CACTIN: variants seen among roughly 807,000 people sequenced by gnomAD.
The protein encoded by CACTIN is splicing factor Cactin.
CACTIN carries 20 observed loss-of-function variants against 84.9 expected under a neutral mutation model. The observed-to-expected ratio is 0.24, with a 90% CI of 0.17 to 0.34. CACTIN has a LOEUF of 0.34. CACTIN is among the 10% of genes least tolerant of loss of function. CACTIN has a pLI of 1.00. For missense variants in CACTIN, 897 were observed against 1,117.2 expected (o/e 0.80, Z 2.81); for synonymous variants, 549 against 467.9 (o/e 1.17, Z -2.24).
At chr19:3,618,810 G>A (rs2033160974) in intron 6 of CACTIN, 65 bp downstream of exon 6, 6 of 1,296,834 alleles carry the variant, frequency 4.6e-6, no homozygotes, top group South Asian at 1.3e-5. Context: ...GCAAGTCTGA[G>A]GCTTCTGGGT....
chr19:3,617,740 T>C (rs1017835635), intron 6 of CACTIN, among the ~76,000 whole-genome samples: 16 of 152,142 alleles, frequency 1.1e-4, no homozygotes, highest in African/African-American at 3.6e-4. Context: ...CCAGAAGTCT[T>C]TGCCCAGCCC....
chr19:3,618,843 C>T (rs772582348), intron 6 of CACTIN, 32 bp downstream of exon 6: 1 of 1,495,584 alleles, frequency 6.7e-7, no homozygotes, highest in South Asian at 1.2e-5. Context: ...CCCCGCAGCT[C>T]CCCTGGAGCC....
intron 1 of CACTIN, among the ~76,000 whole-genome samples, chr19:3,626,058 C>T (rs761361668): frequency 7.9e-5 from 12 of 152,150 alleles, no homozygotes; most frequent in African/African-American, 2.9e-4. Context: ...TTCCAGAATC[C>T]CTCTGAAATC....
chr19:3,618,191 G>GGGGC (rs2033147319), intron 6 of CACTIN, among the ~76,000 whole-genome samples: 2 of 102,664 alleles, frequency 1.9e-5, no homozygotes, highest in African/African-American at 3.7e-5. Context: ...GGGGGGGGGG[G>GGGGC]TCTCATCTAG....
At position 3,623,838 on chromosome 19, in the gene CACTIN, C is replaced by T; in HGVS notation, c.492G>A (p.Glu164=). 1.2e-6 allele frequency: 2 copies of T among 1,612,322 alleles called. No individual in the cohort carries two copies. The highest frequency in any genetic ancestry group is 1.7e-6 in the Non-Finnish European group (2 of 1,179,888). The change falls in exon 2 of 10, where the codon GAG becomes GAA. Residue 164 remains glutamate, a synonymous_variant. Coordinates refer to ENST00000429344, the MANE Select transcript of CACTIN (RefSeq NM_001080543.2). ...TGGCCAGCCGCCGTGCGCGCTTCTCCTCGGGCGTCTCGAAGGCCTTCATCA... is the reference window on the plus strand; with the variant it reads ...TGGCCAGCCGCCGTGCGCGCTTCTCTTCGGGCGTCTCGAAGGCCTTCATCA... ...EELMKAFETP[E]EKRARRLAKK...
intron 1 of CACTIN, among the ~76,000 whole-genome samples, chr19:3,625,876 G>T (rs938755878): frequency 5.3e-5 from 8 of 152,194 alleles, no homozygotes; most frequent in African/African-American, 1.4e-4. Context: ...TGGTTTCTCT[G>T]TACTGGAGCC....
Position 3,612,335 on chromosome 19 carries a change from C to T in CACTIN, c.1865G>A (p.Ser622Asn). The change falls in exon 10 of 10, where the codon AGC (serine) becomes AAC (asparagine). Residue 622 changes from serine (S) to asparagine (N), a missense_variant. By Grantham distance (46) the Ser-to-Asn change is conservative. Around this residue, in one of 8 missense-constraint regions of CACTIN, gnomAD observed 243 missense variants for 239.9 expected, o/e 1.01. Transcript: ENST00000429344. Reference protein sequence around the residue: ...EGMGQDEAQFSVEMPLTGKAY... With the variant: ...EGMGQDEAQFNVEMPLTGKAY... ...CTTGCCGGTGAGTGGCATCTCCACG[C>T]TGAACTGCGCCTCGTCCTGGCCCAT... The T allele has an allele frequency of 6.2e-7, 1 of 1,612,078 alleles. No homozygotes were observed. The highest frequency in any genetic ancestry group is 8.5e-7 in the Non-Finnish European group (1 of 1,179,848).
At chr19:3,617,619 C>T (rs540198701) in intron 6 of CACTIN, among the ~76,000 whole-genome samples, 25 of 151,616 alleles carry the variant, frequency 1.6e-4, no homozygotes, top group Non-Finnish European at 3.4e-4. Flanking sequence ...CTGGAAACGC[C>T]TCCCAGTCTT....
rs763298025 is a variant in CACTIN, at chr19:3,624,116, G to A, written c.214C>T (p.Arg72Trp). 48 of 1,586,158 alleles carry A rather than the reference G, an allele frequency of 3.0e-5. No individual in the cohort carries two copies. In the African/African-American group the frequency reaches 3.2e-4, roughly 11 times the overall value. Reference protein sequence around the residue: ...ERWQRSGMRSRSPPRPKWHSR... With the variant: ...ERWQRSGMRSWSPPRPKWHSR... ...TGCCACTTGGGCCGCGGGGGGCTCC[G>A]GCTTCGCATCCCTGAGCGCTGCCAC... Residue 72 changes from arginine to tryptophan, a missense_variant, in exon 2 of 10, where the codon CGG (arginine) becomes TGG (tryptophan). Arg to Trp is a moderately radical substitution (Grantham distance 101). Transcript: ENST00000429344.
rs2033173661 is a variant in CACTIN at position 3,619,324 on chromosome 19, C to T, written c.885-82G>A. 6 of 1,498,286 alleles carry T rather than the reference C, an allele frequency of 4.0e-6. No individual in the cohort carries two copies. The South Asian group carries it at 5.2e-5, about 13-fold the overall frequency. The allele number at this position is 1,498,286 out of a possible 1,614,324, so 92.8% of individuals were successfully genotyped here. A position where few individuals can be genotyped will look rare whatever the true frequency, so the allele number is the denominator to read the frequency against. ...GACCCTGCCCTTGGGGTGACCACAC[C>T]AGTGGGAGCCGAGGAGGGGCCTGAC... On this transcript the variant is annotated intron_variant, in intron 4 of 9. Transcript: ENST00000429344.
At chr19:3,625,530 G>T (rs56861417) in intron 1 of CACTIN, among the ~76,000 whole-genome samples, 14,342 of 152,172 alleles carry the variant, frequency 0.094, 1,135 homozygotes, top group East Asian at 0.22. Context: ...AGGAGTTCAA[G>T]ACCTGCCTGG....
intron 1 of CACTIN, 37 bp downstream of exon 1, chr19:3,626,559 A>T: frequency 7.3e-7 from 1 of 1,369,530 alleles, no homozygotes; most frequent in Non-Finnish European, 9.4e-7. Flanking sequence ...CTGAGGTAGG[A>T]GCCGGATCCC....
intron 6 of CACTIN, 166 bp from the exon 7 acceptor site, chr19:3,614,755 C>T (rs2033067698): frequency 9.4e-6 from 6 of 637,898 alleles, no homozygotes; most frequent in Non-Finnish European, 1.4e-5. Context: ...TGTCCCCACC[C>T]TGGCCACAGC....
chr19:3,620,351 G>T, intron 3 of CACTIN, 79 bp from the exon 4 acceptor site: 1 of 1,441,582 alleles, frequency 6.9e-7, no homozygotes, highest in East Asian at 2.5e-5. Flanking sequence ...GATGATGGGG[G>T]CCCAGCCTTC....
intron 6 of CACTIN, 94 bp downstream of exon 6, chr19:3,618,781 G>A (rs1295933052): frequency 8.7e-6 from 9 of 1,029,278 alleles, no homozygotes; most frequent in African/African-American, 3.2e-5. Flanking sequence ...GAGGCCTGCA[G>A]AGAGCACCAG....
intron 7 of CACTIN, 111 bp downstream of exon 7, chr19:3,614,285 AC>A: frequency 9.0e-7 from 1 of 1,112,652 alleles, no homozygotes; most frequent in Non-Finnish European, 1.3e-6. Context: ...GCCCCTCTCC[AC>A]CCCACATGGT....
chr19:3,611,151 G>A lies in CACTIN; in HGVS notation c.*772C>T. The stretch of plus-strand genomic sequence containing the variant: ...CTGCCCTCCAGGCCCTGTGCTCAGA[G>A]GTGGGGGGAGGACGGCTCAGTGACT... On this transcript the variant is annotated 3_prime_UTR_variant, in exon 10 of 10. Coordinates refer to ENST00000429344, the MANE Select transcript of CACTIN (RefSeq NM_001080543.2). The A allele has an allele frequency of 7.7e-6, 3 of 388,246 alleles. No individual in the cohort carries two copies. Among genetic ancestry groups the A allele is most frequent in the South Asian group, 3.8e-5 (2 of 53,044 alleles). The allele number at this position is 388,246 out of a possible 1,614,324, so 24.1% of individuals were successfully genotyped here.
At chr19:3,622,043 C>A (rs1207055739) in intron 2 of CACTIN, among the ~76,000 whole-genome samples, 1 of 152,116 alleles carries the variant, frequency 6.6e-6, no homozygotes, top group Non-Finnish European at 1.5e-5. Context: ...CCGTCTGAAC[C>A]CCTGCAGCTG....
In CACTIN at chr19:3,613,455, C is replaced by T. The variant is rs751381571; in HGVS notation, c.1478+9G>A. On this transcript the variant is annotated intron_variant, in intron 8 of 9. Transcript: ENST00000429344. ...GCATCGGCGTCCCCGGGGTGCCGGC[C>T]GGGCCTACCTGCGGCTGGGGGACTG... is the stretch of plus-strand genomic sequence containing the variant. 9.5e-6 allele frequency: 15 copies of T among 1,571,502 alleles called. No individual in the cohort carries two copies. The highest frequency in any genetic ancestry group is 7.3e-5 in the Admixed American group (4 of 55,126).
Sources: allele counts gnomAD v4.1 joint callset (sites outside exome capture counted in the v4.1 genomes callset), GRCh38; gene constraint gnomAD v4.1.1; regional missense constraint gnomAD v4.1.1; transcripts MANE v1.5; gene names NCBI Gene and HGNC (gene_info 2026-07-23, HGNC 2026-07-21).